ANTXR1: variants seen among roughly 807,000 people sequenced by gnomAD.
ANTXR1 encodes ANTXR cell adhesion molecule 1.
ANTXR1 carries 19 observed loss-of-function variants against 78.1 expected under a neutral mutation model. The ratio of observed to expected loss-of-function variants is 0.24; its 90% CI spans 0.17 to 0.36. The LOEUF is 0.36. ANTXR1 is among the 10% of genes least tolerant of loss of function. The pLI is 1.00. For missense variants in ANTXR1, 518 were observed against 718.6 expected, an observed-to-expected ratio of 0.72 and a Z score of 3.19; for synonymous variants, 273 against 260.5, an observed-to-expected ratio of 1.05 and a Z score of -0.46.
intron 1 of ANTXR1, among the ~76,000 whole-genome samples, chr2:69,036,900 G>A (rs1184354104): frequency 6.6e-6 from 1 of 152,220 alleles, no homozygotes; most frequent in Admixed American, 6.5e-5. Flanking sequence ...CCCTGGACCA[G>A]TCTATGTGAC....
chr2:69,023,786 TGA>T (rs1208085444), intron 1 of ANTXR1, among the ~76,000 whole-genome samples: 7 of 152,186 alleles, frequency 4.6e-5, no homozygotes, highest in African/African-American at 1.7e-4. Flanking sequence ...TTGGTTGAGA[TGA>T]GAGGGACTTA....
chr2:69,231,889 C>T (rs1442389032), intron 17 of ANTXR1, among the ~76,000 whole-genome samples: 4 of 152,084 alleles, frequency 2.6e-5, no homozygotes, highest in Non-Finnish European at 5.9e-5. Context: ...CACAGCCAAC[C>T]GAGATTCAAG....
At chr2:69,041,087 C>T (rs1669603231) in intron 2 of ANTXR1, among the ~76,000 whole-genome samples, 1 of 152,058 alleles carries the variant, frequency 6.6e-6, no homozygotes, top group Non-Finnish European at 1.5e-5. Context: ...TTGGAAGCTA[C>T]AGCAGGAAGC....
intron 12 of ANTXR1, among the ~76,000 whole-genome samples, chr2:69,139,437 G>T (rs1673008486): frequency 6.6e-6 from 1 of 152,184 alleles, no homozygotes; most frequent in Non-Finnish European, 1.5e-5. Context: ...CCTCTTTCAG[G>T]GTTAGAAGTT....
intron 17 of ANTXR1, among the ~76,000 whole-genome samples, chr2:69,208,346 C>T (rs536018811): frequency 6.6e-6 from 1 of 152,294 alleles, no homozygotes; most frequent in East Asian, 1.9e-4. Context: ...AAATCTAGAG[C>T]TGACTATCCA....
At chr2:69,104,919 A>T (rs1041046430) in intron 10 of ANTXR1, among the ~76,000 whole-genome samples, 2 of 152,112 alleles carry the variant, frequency 1.3e-5, no homozygotes, top group African/African-American at 4.8e-5. Context: ...CCTTGTCTCT[A>T]CCAAAAATAC....
At chr2:69,060,269 C>T (rs759813129) in intron 3 of ANTXR1, among the ~76,000 whole-genome samples, 12 of 152,166 alleles carry the variant, frequency 7.9e-5, no homozygotes, top group Non-Finnish European at 1.2e-4. Context: ...CTTAGCATTC[C>T]ACACCTTTGT....
intron 10 of ANTXR1, among the ~76,000 whole-genome samples, chr2:69,112,341 A>AT (rs1442879566): frequency 1.1e-4 from 17 of 152,212 alleles, no homozygotes; most frequent in Non-Finnish European, 2.2e-4. Context: ...GCAGGGGTGG[A>AT]AAGGACTTGA....
At chr2:69,021,731 A>C (rs952925744) in intron 1 of ANTXR1, among the ~76,000 whole-genome samples, 4 of 152,210 alleles carry the variant, frequency 2.6e-5, no homozygotes, top group Admixed American at 2.0e-4. Flanking sequence ...GTGGACAATA[A>C]AAGCTTCTAC....
chr2:69,013,479 G>A lies in ANTXR1; in HGVS notation c.-21G>A. ...CGGAGCGTGGGAAGGAGCGGACCCT[G>A]CTCTCCCCGGGCTGCGGGCCATGGC... On this transcript the variant is annotated 5_prime_UTR_variant, in exon 1 of 18. Coordinates refer to ENST00000303714, the MANE Select transcript of ANTXR1 (RefSeq NM_032208.3). This position sits in a 1 kb window ranked among gnomAD's most constrained non-coding sequence, Gnocchi z 5.0. 1 of 1,585,228 alleles carries A rather than the reference G, an allele frequency of 6.3e-7. No homozygotes were observed. Among genetic ancestry groups the A allele is most frequent in the Non-Finnish European group, 8.6e-7 (1 of 1,168,120 alleles).
Position 69,035,852 on chromosome 2 carries a change from A to T in ANTXR1, c.153-4192A>T, listed in dbSNP as rs377300747. Among the ~76,000 whole-genome samples the T allele has an allele frequency of 3.1e-4, 47 of 152,310 alleles. 2 individuals carry two copies. The East Asian group carries it at 6.9e-3, about 22-fold the overall frequency. ...TTAGCAAGAGTTTTGATGGATGTAGACTTTTGTCAACACCCAAGGATATAT... is the reference window on the plus strand; with the variant it reads ...TTAGCAAGAGTTTTGATGGATGTAGTCTTTTGTCAACACCCAAGGATATAT... On this transcript the variant is annotated intron_variant, in intron 1 of 17. Transcript: ENST00000303714.
At chr2:69,241,914 C>T (rs1464670692) in intron 17 of ANTXR1, among the ~76,000 whole-genome samples, 3 of 152,128 alleles carry the variant, frequency 2.0e-5, no homozygotes, top group Non-Finnish European at 4.4e-5. Flanking sequence ...AAGTGACAGG[C>T]GGTATGATTA....
chr2:69,047,345 T>G (rs1161967217), intron 3 of ANTXR1, among the ~76,000 whole-genome samples: 2 of 148,922 alleles, frequency 1.3e-5, no homozygotes, highest in African/African-American at 5.1e-5. Context: ...TAATAATGCC[T>G]ACGATTTGTG....
chr2:69,186,862 C>T (rs890596395), intron 16 of ANTXR1, among the ~76,000 whole-genome samples: 5 of 152,218 alleles, frequency 3.3e-5, no homozygotes, highest in Non-Finnish European at 5.9e-5. Flanking sequence ...CAGAGGCAGG[C>T]TTCCAAGGCA....
At chr2:69,228,960 G>A (rs537152073) in intron 17 of ANTXR1, among the ~76,000 whole-genome samples, 2 of 152,284 alleles carry the variant, frequency 1.3e-5, no homozygotes, top group South Asian at 2.1e-4. Context: ...AGTGTGATCA[G>A]GTTCTGGTGA....
At chr2:69,138,329 G>A (rs1461308921) in intron 12 of ANTXR1, among the ~76,000 whole-genome samples, 4 of 152,140 alleles carry the variant, frequency 2.6e-5, no homozygotes, top group Non-Finnish European at 5.9e-5. Flanking sequence ...ATCTGAGAAT[G>A]GGAGATGACC....
At chr2:69,155,329 C>A (rs1673493991) in intron 13 of ANTXR1, among the ~76,000 whole-genome samples, 1 of 152,196 alleles carries the variant, frequency 6.6e-6, no homozygotes. Context: ...TTCATTGGCA[C>A]AAAACACCCA....
intron 1 of ANTXR1, among the ~76,000 whole-genome samples, chr2:69,038,374 G>A (rs1322698054): frequency 2.6e-5 from 4 of 152,164 alleles, no homozygotes; most frequent in African/African-American, 4.8e-5. Flanking sequence ...ATTAGCCAAA[G>A]TGGGGTTCAA....
chr2:69,185,283 G>A (rs535775162), intron 16 of ANTXR1, among the ~76,000 whole-genome samples: 22 of 152,218 alleles, frequency 1.4e-4, no homozygotes, highest in Non-Finnish European at 2.5e-4. Flanking sequence ...GCTCATGCCT[G>A]TAATCCCAGC....
Sources: allele counts gnomAD v4.1 joint callset (sites outside exome capture counted in the v4.1 genomes callset), GRCh38; gene constraint gnomAD v4.1.1; non-coding constraint Gnocchi (gnomAD v3.1); transcripts MANE v1.5; gene names NCBI Gene and HGNC (gene_info 2026-07-23, HGNC 2026-07-21).